Variants in PLGRKT observed in about 807,000 individuals in gnomAD.
The protein encoded by PLGRKT is plasminogen receptor (KT).
A neutral mutation model predicts 18.5 loss-of-function variants in PLGRKT; 22 were observed. The observed-to-expected ratio is 1.19, with a 90% CI of 0.85 to 1.70. The LOEUF (loss-of-function observed/expected upper bound fraction) is 1.70, where lower values mean the gene tolerates loss of function less well. Ranked by LOEUF, PLGRKT falls within the 40% of genes most tolerant of loss-of-function variation. PLGRKT has a pLI of 0.00. For missense variants in PLGRKT, 235 were observed against 174.4 expected (o/e 1.35, Z -1.96); for synonymous variants, 72 against 52.8 (o/e 1.36, Z -1.58).
At chr9:5,383,986 G>A (rs1817795142) in intron 3 of PLGRKT, among the ~76,000 whole-genome samples, 1 of 152,230 alleles carries the variant, frequency 6.6e-6, no homozygotes, top group Admixed American at 6.5e-5. Flanking sequence ...CTGGGAAACA[G>A]TCAGGTGTAG....
intron 3 of PLGRKT, among the ~76,000 whole-genome samples, chr9:5,401,840 G>A (rs1818160325): frequency 6.6e-6 from 1 of 151,904 alleles, no homozygotes; most frequent in African/African-American, 2.4e-5. Context: ...CAAAGGCGGT[G>A]TCAAGGGGAC....
At chr9:5,396,485 G>C (rs1486073972) in intron 3 of PLGRKT, among the ~76,000 whole-genome samples, 1 of 151,482 alleles carries the variant, frequency 6.6e-6, no homozygotes, top group Non-Finnish European at 1.5e-5. Context: ...AATAGAGACA[G>C]GGTTTCACCA....
intron 3 of PLGRKT, among the ~76,000 whole-genome samples, chr9:5,423,272 T>C (rs1185135181): frequency 6.6e-6 from 1 of 152,322 alleles, no homozygotes; most frequent in African/African-American, 2.4e-5. Context: ...TAGCTCCTAA[T>C]TCAACTGGCA....
At chr9:5,359,327 G>C (rs1311594174) in intron 5 of PLGRKT, among the ~76,000 whole-genome samples, 1 of 152,158 alleles carries the variant, frequency 6.6e-6, no homozygotes, top group Admixed American at 6.5e-5. Flanking sequence ...TGGGATTACA[G>C]GTGTGAGCCA....
chr9:5,406,216 T>C lies in PLGRKT; in HGVS notation c.81+25681A>G, dbSNP rs113215480. Among the ~76,000 whole-genome samples the C allele has an allele frequency of 2.0e-5, 3 of 152,190 alleles. No homozygotes were observed. The South Asian group carries it at 6.2e-4, about 32-fold the overall frequency. On this transcript the variant is annotated intron_variant, in intron 3 of 5. Coordinates refer to ENST00000223864, the MANE Select transcript of PLGRKT (RefSeq NM_018465.4). ...GACAGTATGGCAATTTCTCAAAGATTTAGAACCGAAAATACCATTTGACCC... is the reference window on the plus strand; with the variant it reads ...GACAGTATGGCAATTTCTCAAAGATCTAGAACCGAAAATACCATTTGACCC...
At chr9:5,435,110 T>G (rs1047508340) in intron 2 of PLGRKT, among the ~76,000 whole-genome samples, 4 of 151,968 alleles carry the variant, frequency 2.6e-5, no homozygotes, top group African/African-American at 9.7e-5. Flanking sequence ...AAACAGATGC[T>G]TGAAGACAGC....
intron 3 of PLGRKT, among the ~76,000 whole-genome samples, chr9:5,368,167 G>C (rs768032953): frequency 2.0e-5 from 3 of 152,202 alleles, no homozygotes; most frequent in Non-Finnish European, 2.9e-5. Flanking sequence ...GTGGAAAGCA[G>C]TTTAGAGATT....
chr9:5,391,172 T>C (rs538607349), intron 3 of PLGRKT, among the ~76,000 whole-genome samples: 2 of 152,104 alleles, frequency 1.3e-5, no homozygotes, highest in East Asian at 3.9e-4. Context: ...ATTAACTTTA[T>C]CTAAAAATCA....
Position 5,414,369 on chromosome 9 carries a change from T to C in PLGRKT, c.81+17528A>G, listed in dbSNP as rs1586736106. Among the ~76,000 whole-genome samples, 4 of 152,308 alleles carry C rather than the reference T, an allele frequency of 2.6e-5. No homozygotes were observed. The East Asian group carries it at 5.8e-4, about 22-fold the overall frequency. On this transcript the variant is annotated intron_variant, in intron 3 of 5. Coordinates refer to ENST00000223864, the MANE Select transcript of PLGRKT (RefSeq NM_018465.4). ...TTTAGTAGAGACGGAGGTTTCACCATGTTGGGCAGGCTGGTCTCAAATTCC... is the reference window on the plus strand; with the variant it reads ...TTTAGTAGAGACGGAGGTTTCACCACGTTGGGCAGGCTGGTCTCAAATTCC...
chr9:5,416,887 C>G (rs1818472062), intron 3 of PLGRKT, among the ~76,000 whole-genome samples: 1 of 152,202 alleles, frequency 6.6e-6, no homozygotes, highest in African/African-American at 2.4e-5. Flanking sequence ...ACTTTCACTT[C>G]CTACCATTTC....
chr9:5,407,931 T>C (rs1818287168), intron 3 of PLGRKT, among the ~76,000 whole-genome samples: 1 of 152,184 alleles, frequency 6.6e-6, no homozygotes, highest in Non-Finnish European at 1.5e-5. Flanking sequence ...AATGCTGCCA[T>C]TTTCAAGTAC....
At chr9:5,400,605 T>C (rs1189588076) in intron 3 of PLGRKT, among the ~76,000 whole-genome samples, 1 of 151,968 alleles carries the variant, frequency 6.6e-6, no homozygotes, top group Non-Finnish European at 1.5e-5. Flanking sequence ...CAAATATTTC[T>C]TCTTCTAAGA....
In PLGRKT at chr9:5,371,986, C is replaced by CTTTTTTTTTTTTTTTTTTTTCT. The variant is rs71326158; in HGVS notation, c.82-10099_82-10098insAGAAAAAAAAAAAAAAAAAAAA. Among the ~76,000 whole-genome samples the CTTTTTTTTTTTTTTTTTTTTCT allele has an allele frequency of 2.0e-4, 18 of 89,130 alleles. 2 individuals carry two copies. Among genetic ancestry groups the CTTTTTTTTTTTTTTTTTTTTCT allele is most frequent in the Admixed American group, 5.6e-4 (4 of 7,134 alleles). 58.5% of individuals were successfully genotyped at this position (89,130 alleles called of 152,430 possible). On this transcript the variant is annotated intron_variant, in intron 3 of 5. Transcript: ENST00000223864. Reference sequence around the variant, plus strand: ...CTGCAAAAAACAATATCAGAAAATCCTTTTTTTTTTTTTGATATGGAGTCT... The same window carrying CTTTTTTTTTTTTTTTTTTTTCT: ...CTGCAAAAAACAATATCAGAAAATCCTTTTTTTTTTTTTTTTTTTTCTTTTTTTTTTTTTTGATATGGAGTCT...
intron 2 of PLGRKT, among the ~76,000 whole-genome samples, chr9:5,435,534 A>G (rs966736167): frequency 6.6e-6 from 1 of 152,194 alleles, no homozygotes; most frequent in African/African-American, 2.4e-5. Flanking sequence ...AAAAACATAC[A>G]GATACTTGAA....
chr9:5,391,658 G>A lies in PLGRKT; in HGVS notation c.82-29770C>T, dbSNP rs184009853. Among the ~76,000 whole-genome samples, 161 of 152,062 alleles carry A rather than the reference G, an allele frequency of 1.1e-3. 1 individual carries two copies. The highest frequency in any genetic ancestry group is 3.0e-3 in the Admixed American group (46 of 15,290). On this transcript the variant is annotated intron_variant, in intron 3 of 5. Transcript: ENST00000223864. Reference sequence around the variant, plus strand: ...GGCAGAGTTTGTGGCATTGAGGCAAGAGTAAGGCTAGCTCTTCTCCATGGA... The same window carrying A: ...GGCAGAGTTTGTGGCATTGAGGCAAAAGTAAGGCTAGCTCTTCTCCATGGA...
At chr9:5,409,028 T>C (rs945574784) in intron 3 of PLGRKT, among the ~76,000 whole-genome samples, 3 of 152,130 alleles carry the variant, frequency 2.0e-5, no homozygotes, top group African/African-American at 7.2e-5. Flanking sequence ...GGAGGATGTA[T>C]GGAAAAGTCT....
intron 3 of PLGRKT, among the ~76,000 whole-genome samples, chr9:5,388,436 T>C (rs956659224): frequency 6.6e-6 from 1 of 152,002 alleles, no homozygotes; most frequent in Non-Finnish European, 1.5e-5. Flanking sequence ...ATAAATATCA[T>C]AGGATATATG....
chr9:5,423,582 C>T (rs538576409), intron 3 of PLGRKT, among the ~76,000 whole-genome samples: 1 of 152,278 alleles, frequency 6.6e-6, no homozygotes, highest in East Asian at 1.9e-4. Context: ...TTCTCTGCAG[C>T]ATTTGACACC....
intron 3 of PLGRKT, among the ~76,000 whole-genome samples, chr9:5,393,111 G>C (rs1004310502): frequency 2.0e-5 from 3 of 151,658 alleles, no homozygotes; most frequent in Admixed American, 6.6e-5. Flanking sequence ...CAAAGTACTG[G>C]GATTACAGGT....
Sources: allele counts gnomAD v4.1 joint callset (sites outside exome capture counted in the v4.1 genomes callset), GRCh38; gene constraint gnomAD v4.1.1; transcripts MANE v1.5; gene names NCBI Gene and HGNC (gene_info 2026-07-23, HGNC 2026-07-21).